The following DEFB119 variants were observed in gnomAD, a reference collection of about 807,000 sequenced individuals.
DEFB119 encodes the protein defensin beta 119, also known as beta-defensin 119.
Under a neutral mutation model 2.5 loss-of-function variants are expected in DEFB119, and 3 were observed. That is an observed-to-expected ratio of 1.19 (90% CI 0.54 to 3.07). DEFB119 has a LOEUF of 3.07. Ranked by LOEUF, DEFB119 falls within the 30% of genes most tolerant of loss-of-function variation. DEFB119 has a pLI of 0.03. For synonymous variants in DEFB119, 29 were observed against 33.7 expected, an observed-to-expected ratio of 0.86 and a Z score of 0.48; for missense variants, 113 against 101.1, an observed-to-expected ratio of 1.12 and a Z score of -0.50.
At chr20:31,388,113 G>A in intron 1 of DEFB119, 4 of 985,300 alleles carry the variant, frequency 4.1e-6, no homozygotes, top group Non-Finnish European at 4.8e-6. Context: ...AATAAAGTCT[G>A]GGAAGACACC....
At position 31,388,660 on chromosome 20, in the gene DEFB119, T is replaced by C. The variant is rs181797934; in HGVS notation, c.61+1763A>G. Among the ~76,000 whole-genome samples the C allele has an allele frequency of 1.6e-3, 239 of 152,198 alleles. 1 individual carries two copies. The highest frequency in any genetic ancestry group is 5.5e-3 in the African/African-American group (228 of 41,534). ...AGGATTTGGGTTATATTCAGCCCCATCCACTCTCAGCCCATTCACTCTCAA... is the reference window on the plus strand; with the variant it reads ...AGGATTTGGGTTATATTCAGCCCCACCCACTCTCAGCCCATTCACTCTCAA... On this transcript the variant is annotated intron_variant, in intron 1 of 1. Transcript: ENST00000376321.
chr20:31,380,085 G>C (rs996754523), intron 1 of DEFB119, among the ~76,000 whole-genome samples: 2 of 152,140 alleles, frequency 1.3e-5, no homozygotes, highest in Admixed American at 1.3e-4. Context: ...TCTTCACAGG[G>C]TGTTTCACAG....
At chr20:31,387,564 C>T (rs1238511651) in intron 1 of DEFB119, among the ~76,000 whole-genome samples, 1 of 152,158 alleles carries the variant, frequency 6.6e-6, no homozygotes, top group Non-Finnish European at 1.5e-5. Context: ...CATGGCATTC[C>T]GAGGGAAGCC....
rs1260130202 is a variant in DEFB119 at position 31,390,537 on chromosome 20, G to A, written c.-54C>T. ...CTGAGCTGCAGGGGAAGGAAATAGG[G>A]TTCCCTGCAGCACGGCAGAGATGAG... On this transcript the variant is annotated 5_prime_UTR_variant, in exon 1 of 2. Transcript: ENST00000376321. The A allele has an allele frequency of 3.2e-6, 5 of 1,544,374 alleles. No individual in the cohort carries two copies. In the Admixed American group the frequency reaches 5.2e-5, roughly 16 times the overall value.
At chr20:31,388,189 A>G (rs895125806) in intron 1 of DEFB119, 1 of 983,454 alleles carries the variant, frequency 1.0e-6, no homozygotes, top group African/African-American at 1.7e-5. Flanking sequence ...CTCCCCAGCT[A>G]AAGTACCAAT....
chr20:31,385,250 A>T (rs1159247371), intron 1 of DEFB119, among the ~76,000 whole-genome samples: 1 of 151,982 alleles, frequency 6.6e-6, no homozygotes, highest in African/African-American at 2.4e-5. Context: ...TCATTTTAGG[A>T]TTCCCTGAGA....
chr20:31,380,721 A>C (rs572110460), intron 1 of DEFB119, among the ~76,000 whole-genome samples: 1 of 152,266 alleles, frequency 6.6e-6, no homozygotes, highest in Non-Finnish European at 1.5e-5. Flanking sequence ...TCTGTCAAAA[A>C]TCAGTTGGCT....
At position 31,377,368 on chromosome 20, in the gene DEFB119, G is replaced by A; in HGVS notation, c.133C>T (p.Pro45Ser). The part of the protein sequence containing the change: ...CRASCKKNEQ[P>S]YLYCRNCQSC... ...TGACAATTTCTGCAATAGAGGTAGG[G>A]CTGTTCGTTCTTTTTGCAAGAGGCC... Residue 45 changes from proline (P) to serine (S), a missense_variant, in exon 2 of 2, where the codon CCC (proline) becomes TCC (serine). Coordinates refer to ENST00000376321, the MANE Select transcript of DEFB119 (RefSeq NM_153289.4). 6.2e-7 allele frequency: 1 copy of A among 1,614,126 alleles called. No homozygotes were observed. Among genetic ancestry groups the A allele is most frequent in the Non-Finnish European group, 8.5e-7 (1 of 1,180,006 alleles).
intron 1 of DEFB119, among the ~76,000 whole-genome samples, chr20:31,386,745 T>C (rs1033668790): frequency 6.6e-6 from 1 of 152,018 alleles, no homozygotes; most frequent in Non-Finnish European, 1.5e-5. Context: ...TAGTGTTCCA[T>C]AGCTCTGTAG....
chr20:31,383,137 G>A (rs190052000), intron 1 of DEFB119, among the ~76,000 whole-genome samples: 12 of 152,268 alleles, frequency 7.9e-5, no homozygotes, highest in Admixed American at 6.5e-4. Context: ...CTCAAATCTC[G>A]TCTTAAATTG....
intron 1 of DEFB119, among the ~76,000 whole-genome samples, chr20:31,387,036 C>G (rs540676101): frequency 6.6e-6 from 1 of 152,118 alleles, no homozygotes; most frequent in South Asian, 2.1e-4. Context: ...AAACTACTGA[C>G]CTCGTGGTGA....
chr20:31,382,225 T>C (rs1401884821), intron 1 of DEFB119, among the ~76,000 whole-genome samples: 1 of 152,214 alleles, frequency 6.6e-6, no homozygotes, highest in African/African-American at 2.4e-5. Context: ...CCTGTGAATC[T>C]ACAATTATTT....
chr20:31,388,425 T>A, intron 1 of DEFB119: 1 of 565,468 alleles, frequency 1.8e-6, no homozygotes, highest in South Asian at 7.6e-5. Flanking sequence ...GAGGTTTATA[T>A]GCAGAGTCTG....
intron 1 of DEFB119, chr20:31,389,176 C>T: frequency 3.1e-6 from 5 of 1,614,212 alleles, no homozygotes; most frequent in Non-Finnish European, 4.2e-6. Flanking sequence ...GCGTATGATG[C>T]TGTCTTCACC....
chr20:31,382,437 C>A (rs1329686671), intron 1 of DEFB119, among the ~76,000 whole-genome samples: 13 of 152,048 alleles, frequency 8.5e-5, no homozygotes, highest in Non-Finnish European at 2.9e-5. Context: ...ATATCTAACC[C>A]CTAGAATTTT....
chr20:31,389,736 A>T (rs1225436278), intron 1 of DEFB119, among the ~76,000 whole-genome samples: 3 of 152,070 alleles, frequency 2.0e-5, no homozygotes, highest in African/African-American at 7.2e-5. Flanking sequence ...ATTCAAACTC[A>T]AACTCATTCA....
At chr20:31,388,125 A>G (rs1379515301) in intron 1 of DEFB119, 1 of 985,276 alleles carries the variant, frequency 1.0e-6, no homozygotes, top group African/African-American at 1.7e-5. Context: ...GAAGACACCC[A>G]GATTCTCTAG....
At chr20:31,389,082 G>A in intron 1 of DEFB119, 2 of 1,614,130 alleles carry the variant, frequency 1.2e-6, no homozygotes, top group Non-Finnish European at 1.7e-6. Flanking sequence ...TCTGAGGAGT[G>A]GTCCAGCCAA....
At chr20:31,379,855 C>A (rs1019550050) in intron 1 of DEFB119, among the ~76,000 whole-genome samples, 1 of 151,954 alleles carries the variant, frequency 6.6e-6, no homozygotes, top group Non-Finnish European at 1.5e-5. Flanking sequence ...TTAGTAGAGA[C>A]GGGGTTTCAC....
Sources: gnomAD v4.1 joint callset for allele counts (sites outside exome capture counted in the v4.1 genomes callset) on GRCh38, gnomAD v4.1.1 for gene constraint, MANE v1.5 for transcripts, NCBI Gene and HGNC (gene_info 2026-07-23, HGNC 2026-07-21) for gene names.